The following PTPN13 variants were observed in gnomAD, a reference collection of about 807,000 sequenced individuals.
PTPN13 encodes the protein protein tyrosine phosphatase non-receptor type 13.
A neutral mutation model predicts 284.0 loss-of-function variants in PTPN13; 191 were observed. The observed-to-expected ratio is 0.67, with a 90% confidence interval of 0.60 to 0.76. PTPN13 has a LOEUF of 0.76. Ranked by LOEUF, PTPN13 falls within the 30% of genes least tolerant of loss-of-function variation. PTPN13 has a pLI of 0.00. For missense variants in PTPN13, 2,797 were observed against 2,939.9 expected (o/e 0.95, Z 1.12); for synonymous variants, 986 against 1,022.3 (o/e 0.96, Z 0.68).
chr4:86,606,890 T>C (rs575069344), intron 1 of PTPN13, among the ~76,000 whole-genome samples: 8 of 152,044 alleles, frequency 5.3e-5, no homozygotes, highest in African/African-American at 1.9e-4. Context: ...GATTAATAAC[T>C]GTCCATAATG....
At chr4:86,758,556 T>C in intron 21 of PTPN13, 122 bp from the exon 22 acceptor site, 2 of 969,950 alleles carry the variant, frequency 2.1e-6, no homozygotes, top group Non-Finnish European at 3.1e-6. Context: ...CAAAATTTAA[T>C]ATGTGTTACC....
At chr4:86,670,105 C>T (rs143025129) in intron 2 of PTPN13, among the ~76,000 whole-genome samples, 10 of 150,378 alleles carry the variant, frequency 6.6e-5, no homozygotes, top group Admixed American at 2.7e-4. Flanking sequence ...ACCGAGAAGG[C>T]GCAGTCTTTG....
intron 30 of PTPN13, 37 bp from the exon 31 acceptor site, chr4:86,771,134 G>T: frequency 2.6e-6 from 4 of 1,517,934 alleles, no homozygotes; most frequent in South Asian, 1.4e-5. Flanking sequence ...AAAATTCATA[G>T]AATGGTCACA....
intron 40 of PTPN13, among the ~76,000 whole-genome samples, chr4:86,790,007 T>G (rs1027781688): frequency 1.3e-5 from 2 of 152,098 alleles, no homozygotes; most frequent in African/African-American, 4.8e-5. Context: ...TTATTAAAAT[T>G]TTCATATTTA....
intron 1 of PTPN13, among the ~76,000 whole-genome samples, chr4:86,611,905 A>T (rs1020164345): frequency 1.3e-5 from 2 of 152,222 alleles, no homozygotes; most frequent in African/African-American, 4.8e-5. Context: ...CTGACAAGGA[A>T]CCACACAAAA....
intron 7 of PTPN13, among the ~76,000 whole-genome samples, chr4:86,712,313 A>C (rs1003286466): frequency 6.6e-6 from 1 of 151,432 alleles, no homozygotes; most frequent in African/African-American, 2.4e-5. Flanking sequence ...AACCACTTCT[A>C]TCTGGTTAGT....
intron 23 of PTPN13, among the ~76,000 whole-genome samples, chr4:86,761,621 A>G (rs1738710544): frequency 6.6e-6 from 1 of 152,224 alleles, no homozygotes; most frequent in African/African-American, 2.4e-5. Context: ...CAGCCAAATA[A>G]GTAGAGAACT....
At chr4:86,716,887 A>T in intron 8 of PTPN13, 137 bp from the exon 9 acceptor site, 1 of 649,552 alleles carries the variant, frequency 1.5e-6, no homozygotes. Flanking sequence ...AAAAGAGTTT[A>T]ATAACATTAT....
At chr4:86,712,841 T>G (rs1189380212) in intron 7 of PTPN13, among the ~76,000 whole-genome samples, 1 of 151,920 alleles carries the variant, frequency 6.6e-6, no homozygotes, top group African/African-American at 2.4e-5. Context: ...ACCCAGAGAT[T>G]GAAAAAAGTT....
chr4:86,722,479 A>G, intron 10 of PTPN13, 45 bp downstream of exon 10: 3 of 1,528,028 alleles, frequency 2.0e-6, no homozygotes, highest in Non-Finnish European at 9.1e-7. Flanking sequence ...CTGCTCTCAC[A>G]GGGAACTCTT....
At position 86,758,250 on chromosome 4, in the gene PTPN13, T is replaced by C. The variant is rs1305625441; in HGVS notation, c.3224-10T>C. 6.4e-7 allele frequency: 1 copy of C among 1,570,638 alleles called. No homozygotes were observed. The highest frequency in any genetic ancestry group is 2.3e-5 in the East Asian group (1 of 44,300). On this transcript the variant is annotated splice_polypyrimidine_tract_variant and intron_variant, in intron 20 of 47. Transcript: ENST00000411767. ...GTTATATTTATTTTTAAATTATAAA[T>C]TCCCAATAGATGTGCTACACAAAAG...
intron 17 of PTPN13, among the ~76,000 whole-genome samples, chr4:86,749,874 T>C (rs552545435): frequency 6.6e-6 from 1 of 152,310 alleles, no homozygotes; most frequent in East Asian, 1.9e-4. Context: ...AAAGGAATAA[T>C]TTGCCATAAA....
chr4:86,641,299 GTGT>G (rs2148757937), intron 2 of PTPN13, among the ~76,000 whole-genome samples: 1 of 152,136 alleles, frequency 6.6e-6, no homozygotes, highest in South Asian at 2.1e-4. Context: ...AGAAGTTTAT[GTGT>G]TTTTTTAAAA....
intron 1 of PTPN13, among the ~76,000 whole-genome samples, chr4:86,610,976 T>C (rs779299694): frequency 6.6e-6 from 1 of 152,206 alleles, no homozygotes; most frequent in African/African-American, 2.4e-5. Context: ...AAAAGACTAG[T>C]TCCTAAAATG....
chr4:86,762,838 G>C lies in PTPN13; in HGVS notation c.3665G>C (p.Arg1222Pro), dbSNP rs1738854267. The change falls in exon 24 of 48, where the codon CGT (arginine) becomes CCT (proline). Residue 1222 changes from arginine to proline, a missense_variant. Physicochemically the swap from Arg to Pro is moderately radical, Grantham distance 103. Coordinates refer to ENST00000411767, the MANE Select transcript of PTPN13 (RefSeq NM_080683.3). The part of the protein sequence containing the change: ...DSSSKDHHWS[R>P]GTLRHISENS... ...TCTTCCAAGGATCACCACTGGTCAC[G>C]TGGTACCCTGAGGCACATCTCGGAG... 6.2e-7 allele frequency: 1 copy of C among 1,613,794 alleles called. No homozygotes were observed. The highest frequency in any genetic ancestry group is 8.5e-7 in the Non-Finnish European group (1 of 1,179,828).
chr4:86,800,720 G>A (rs1472635259), intron 42 of PTPN13, among the ~76,000 whole-genome samples: 1 of 142,862 alleles, frequency 7.0e-6, no homozygotes, highest in Non-Finnish European at 1.5e-5. Flanking sequence ...GGGAGGGAGG[G>A]AGGAAGGAAG....
At chr4:86,633,839 A>G (rs767917692) in intron 1 of PTPN13, among the ~76,000 whole-genome samples, 10 of 152,208 alleles carry the variant, frequency 6.6e-5, no homozygotes, top group Admixed American at 3.3e-4. Flanking sequence ...AATAAAGTCA[A>G]TGAGAACCTA....
At chr4:86,794,224 T>A (rs916867203) in intron 40 of PTPN13, among the ~76,000 whole-genome samples, 1 of 152,064 alleles carries the variant, frequency 6.6e-6, no homozygotes, top group Non-Finnish European at 1.5e-5. Context: ...ACAAAATCAA[T>A]GTGCAAAAAT....
At chr4:86,628,541 G>A (rs1208451189) in intron 1 of PTPN13, among the ~76,000 whole-genome samples, 4 of 128,570 alleles carry the variant, frequency 3.1e-5, no homozygotes, top group Non-Finnish European at 6.4e-5. Context: ...TAGGGTACAT[G>A]TGCACATTGT....
Sources: allele counts gnomAD v4.1 joint callset (sites outside exome capture counted in the v4.1 genomes callset), GRCh38; gene constraint gnomAD v4.1.1; transcripts MANE v1.5; gene names NCBI Gene and HGNC (gene_info 2026-07-23, HGNC 2026-07-21).